The following GPNMB variants were observed in gnomAD, a reference collection of about 807,000 sequenced individuals.
The protein encoded by GPNMB is transmembrane glycoprotein NMB.
A neutral mutation model predicts 57.3 loss-of-function variants in GPNMB; 71 were observed. That is an observed-to-expected ratio of 1.24 (90% confidence interval 1.02 to 1.51). The LOEUF (loss-of-function observed/expected upper bound fraction) is 1.51. GPNMB is among the 40% of genes most tolerant of loss of function. The pLI is 0.00. For synonymous variants in GPNMB, 253 were observed against 263.2 expected (o/e 0.96, Z 0.38); for missense variants, 677 against 691.9 (o/e 0.98, Z 0.24).
At chr7:23,265,842 G>A (rs1326996483) in intron 6 of GPNMB, among the ~76,000 whole-genome samples, 1 of 150,636 alleles carries the variant, frequency 6.6e-6, no homozygotes, top group East Asian at 1.9e-4. Flanking sequence ...AAAAACAAGG[G>A]AAGCTGGAAT....
At chr7:23,273,677 T>G (rs1452955110) in intron 10 of GPNMB, 63 bp downstream of exon 10, 6 of 1,041,480 alleles carry the variant, frequency 5.8e-6, no homozygotes, top group Non-Finnish European at 8.9e-6. Context: ...AATATATCTC[T>G]GTGTAAATAG....
chr7:23,259,415 C>A (rs1331332018), intron 4 of GPNMB, among the ~76,000 whole-genome samples: 1 of 152,094 alleles, frequency 6.6e-6, no homozygotes, highest in South Asian at 2.1e-4. Context: ...ATCTCCTGAC[C>A]TCGTGATCCG....
At chr7:23,272,499 AAGAG>A (rs113158548) in intron 9 of GPNMB, among the ~76,000 whole-genome samples, 4,149 of 151,986 alleles carry the variant, frequency 0.027, 177 homozygotes, top group African/African-American at 0.089. Context: ...GAGAGAGAGA[AAGAG>A]AGAGAGAGTG....
In GPNMB at chr7:23,260,140, T is replaced by A. The variant is rs1782880682; in HGVS notation, c.700+2T>A. ...TGAAAGATGTGTACGTGGTAACAGG[T>A]GAGTGGTGTGAACTCTAACTGAGGA... On this transcript the variant is annotated splice_donor_variant, in intron 5 of 10. Coordinates refer to ENST00000258733, the MANE Select transcript of GPNMB (RefSeq NM_002510.3). LOFTEE classifies it high-confidence loss of function. The A allele has an allele frequency of 6.2e-7, 1 of 1,613,656 alleles. No homozygotes were observed. Among genetic ancestry groups the A allele is most frequent in the African/African-American group, 1.3e-5 (1 of 74,898 alleles).
chr7:23,274,524 G>T lies in GPNMB; in HGVS notation c.*300G>T. ...AGGATAGAAACACTGTGTCCCGAGA[G>T]TAAGGAGAGAAGCTACTATTGATTA... On this transcript the variant is annotated 3_prime_UTR_variant, in exon 11 of 11. Coordinates refer to ENST00000258733, the MANE Select transcript of GPNMB (RefSeq NM_002510.3). The T allele has an allele frequency of 4.6e-6, 1 of 217,130 alleles. No homozygotes were observed. 13.5% of individuals were successfully genotyped at this position (217,130 alleles called of 1,614,324 possible). A position where few individuals can be genotyped will look rare whatever the true frequency, so the allele number is the denominator to read the frequency against.
At chr7:23,261,932 G>A (rs1377497420) in intron 6 of GPNMB, among the ~76,000 whole-genome samples, 5 of 152,030 alleles carry the variant, frequency 3.3e-5, no homozygotes, top group Non-Finnish European at 5.9e-5. Context: ...GATTCCCCAC[G>A]CTACCCCATG....
At position 23,259,161 on chromosome 7, in the gene GPNMB, A is replaced by C. The variant is rs112174947; in HGVS notation, c.542-819A>C. Among the ~76,000 whole-genome samples, 682 of 152,228 alleles carry C rather than the reference A, an allele frequency of 4.5e-3. 4 individuals carry two copies. Among genetic ancestry groups the C allele is most frequent in the African/African-American group, 0.015 (637 of 41,532 alleles). ...CACCCCATTCTGTTTTATGTCTGCC[A>C]TCCTCTATTTCATCACTTACGGGAT... On this transcript the variant is annotated intron_variant, in intron 4 of 10. Coordinates refer to ENST00000258733, the MANE Select transcript of GPNMB (RefSeq NM_002510.3).
chr7:23,249,920 T>G (rs1259210328), intron 1 of GPNMB, among the ~76,000 whole-genome samples: 1 of 152,220 alleles, frequency 6.6e-6, no homozygotes, highest in Non-Finnish European at 1.5e-5. Flanking sequence ...TAGTAATGTG[T>G]GAGCAATCCA....
At chr7:23,263,848 GTATTA>G (rs1782990986) in intron 6 of GPNMB, among the ~76,000 whole-genome samples, 1 of 133,656 alleles carries the variant, frequency 7.5e-6, no homozygotes, top group Non-Finnish European at 1.6e-5. Context: ...GGATGACCAA[GTATTA>G]TATTATTGTT....
intron 9 of GPNMB, chr7:23,273,263 C>G: frequency 5.1e-6 from 2 of 395,322 alleles, no homozygotes; most frequent in Non-Finnish European, 9.0e-6. Flanking sequence ...CACCCAAGAC[C>G]TGAGCAGGTG....
Position 23,274,308 on chromosome 7 carries a change from A to T in GPNMB, c.*84A>T. The T allele has an allele frequency of 9.9e-7, 1 of 1,010,354 alleles. No individual in the cohort carries two copies. The highest frequency in any genetic ancestry group is 1.5e-6 in the Non-Finnish European group (1 of 667,902). The allele number at this position is 1,010,354 out of a possible 1,614,324, so 62.6% of individuals were successfully genotyped here. On this transcript the variant is annotated 3_prime_UTR_variant, in exon 11 of 11. Transcript: ENST00000258733. ...GTGGCTATTAACCTTTTTTTCCTAA[A>T]GATTATTGTTAAATAGATATTGTGG...
rs776647076 is a variant in GPNMB, at chr7:23,254,207, G to C, written c.262G>C (p.Ala88Pro). The change falls in exon 3 of 11, where the codon GCC becomes CCC. Residue 88 changes from alanine (A) to proline (P), a missense_variant. By Grantham distance (27) the Ala-to-Pro change is conservative. Coordinates refer to ENST00000258733, the MANE Select transcript of GPNMB (RefSeq NM_002510.3). ...VQAVLTSDSP[A>P]LVGSNITFAV... is the part of the protein sequence containing the mutation. ...GGCGGTCCTGACCAGTGACTCACCA[G>C]CCCTCGTGGGCTCAAATATAACATT... 3.1e-5 allele frequency: 50 copies of C among 1,614,086 alleles called. No individual in the cohort carries two copies. Among genetic ancestry groups the C allele is most frequent in the Non-Finnish European group, 4.1e-5 (48 of 1,179,996 alleles).
chr7:23,267,935 G>A lies in GPNMB; in HGVS notation c.1167G>A (p.Pro389=), dbSNP rs754682519. 59 of 1,613,514 alleles carry A rather than the reference G, an allele frequency of 3.7e-5. No homozygotes were observed. Among genetic ancestry groups the A allele is most frequent in the Admixed American group, 3.2e-4 (19 of 60,000 alleles). The change falls in exon 8 of 11, where the codon CCG becomes CCA. Residue 389 remains proline (P), a synonymous_variant. Transcript: ENST00000258733. The stretch of plus-strand genomic sequence containing the variant: ...TCCAGATGACAGACGTCCTGATGCC[G>A]GTGCCATGGCCTGAAAGCTCCCTAA... ...NIIQMTDVLM[P]VPWPESSLID... is the part of the protein sequence containing the mutation.
chr7:23,274,720 T>A lies in GPNMB; in HGVS notation c.*496T>A, dbSNP rs888340343. ...GATGGAACAATAACAGGCCCAAGCC[T>A]GTGGTATGATGTGCACACTTGCTAG... On this transcript the variant is annotated 3_prime_UTR_variant, in exon 11 of 11. Coordinates refer to ENST00000258733, the MANE Select transcript of GPNMB (RefSeq NM_002510.3). The A allele has an allele frequency of 5.2e-5, 8 of 152,846 alleles. No individual in the cohort carries two copies. Among genetic ancestry groups the A allele is most frequent in the African/African-American group, 1.9e-4 (8 of 41,462 alleles). The allele number at this position is 152,846 out of a possible 1,614,324, so 9.5% of individuals were successfully genotyped here.
intron 6 of GPNMB, among the ~76,000 whole-genome samples, chr7:23,265,375 A>T (rs367809227): frequency 1.4e-4 from 21 of 152,174 alleles, no homozygotes; most frequent in African/African-American, 5.1e-4. Context: ...TAAAAAGAAG[A>T]TTGTATTTTC....
In GPNMB at chr7:23,273,699, T is replaced by C. The variant is rs1335611867; in HGVS notation, c.1523+85T>C. On this transcript the variant is annotated intron_variant, in intron 10 of 10. Transcript: ENST00000258733. ...CTCTGTGTAAATAGGCATTTTTCCC[T>C]TTTTTGCTTTTAAACATTTTGTGTA... The C allele has an allele frequency of 5.9e-5, 53 of 900,004 alleles. No individual in the cohort carries two copies. The East Asian group carries it at 1.1e-3, about 19-fold the overall frequency. 55.8% of individuals were successfully genotyped at this position (900,004 alleles called of 1,614,324 possible).
intron 4 of GPNMB, among the ~76,000 whole-genome samples, chr7:23,259,141 C>T (rs529671525): frequency 2.6e-5 from 4 of 152,264 alleles, no homozygotes; most frequent in South Asian, 4.1e-4. Flanking sequence ...GGAACCACCC[C>T]ATTCTGTTTT....
At chr7:23,259,471 C>T (rs1034391597) in intron 4 of GPNMB, among the ~76,000 whole-genome samples, 4 of 152,058 alleles carry the variant, frequency 2.6e-5, no homozygotes, top group Admixed American at 6.6e-5. Context: ...CATGAGCTAC[C>T]GCGCCCAGCC....
chr7:23,263,385 G>A (rs1232700526), intron 6 of GPNMB, among the ~76,000 whole-genome samples: 1 of 152,054 alleles, frequency 6.6e-6, no homozygotes, highest in Non-Finnish European at 1.5e-5. Flanking sequence ...GCCGAGGCAG[G>A]TGGATCACCT....
Sources: gnomAD v4.1 joint callset for allele counts (sites outside exome capture counted in the v4.1 genomes callset) on GRCh38, gnomAD v4.1.1 for gene constraint, MANE v1.5 for transcripts, NCBI Gene and HGNC (gene_info 2026-07-23, HGNC 2026-07-21) for gene names.